Variants in FMN1 observed in about 807,000 individuals in gnomAD.
FMN1 encodes formin-1.
FMN1 carries 110 observed loss-of-function variants against 132.4 expected under a neutral mutation model. That is an observed-to-expected ratio of 0.83 (90% CI 0.71 to 0.97). The LOEUF (loss-of-function observed/expected upper bound fraction) is 0.97. Among genes scored for constraint, FMN1 ranks in the 50% least tolerant of loss-of-function variants. The pLI, the probability that FMN1 is intolerant of heterozygous loss-of-function variation, is 0.00. For missense variants in FMN1, 1,792 were observed against 1,705.3 expected, an observed-to-expected ratio of 1.05 and a Z score of -0.90; for synonymous variants, 722 against 651.7, an observed-to-expected ratio of 1.11 and a Z score of -1.64.
chr15:32,933,142 T>C (rs2061165088), intron 9 of FMN1, among the ~76,000 whole-genome samples: 1 of 152,210 alleles, frequency 6.6e-6, no homozygotes. Flanking sequence ...AGTACTGCTT[T>C]TATTGCATCC....
chr15:32,988,650 G>C (rs941110567), intron 7 of FMN1, among the ~76,000 whole-genome samples: 2 of 152,202 alleles, frequency 1.3e-5, no homozygotes, highest in African/African-American at 4.8e-5. Flanking sequence ...TTTCCTGCCT[G>C]CGTGGTCTTG....
At chr15:32,875,629 C>G (rs1562933) in intron 16 of FMN1, among the ~76,000 whole-genome samples, 83,008 of 151,926 alleles carry the variant, frequency 0.55, 22,966 homozygotes, top group African/African-American at 0.61. Context: ...AAAGAATCTA[C>G]GAGAGATAAG....
At chr15:32,941,290 C>T (rs11072073) in intron 9 of FMN1, among the ~76,000 whole-genome samples, 1 of 152,014 alleles carries the variant, frequency 6.6e-6, no homozygotes, top group African/African-American at 2.4e-5. Context: ...TAAGATTTTG[C>T]TTATCCAATG....
At chr15:33,098,237 C>T (rs1365969330) in intron 4 of FMN1, among the ~76,000 whole-genome samples, 1 of 152,206 alleles carries the variant, frequency 6.6e-6, no homozygotes, top group Non-Finnish European at 1.5e-5. Context: ...GATAGCCTTA[C>T]TTCATGCTGA....
chr15:32,954,743 C>T (rs186655796), intron 9 of FMN1, among the ~76,000 whole-genome samples: 5 of 151,950 alleles, frequency 3.3e-5, no homozygotes, highest in South Asian at 2.1e-4. Flanking sequence ...CGGAGGCTCA[C>T]GCCTGTAATC....
Position 32,768,646 on chromosome 15 carries a change from G to C in FMN1, c.*5664C>G, listed in dbSNP as rs2056126668. On this transcript the variant is annotated 3_prime_UTR_variant, in exon 21 of 21. Coordinates refer to ENST00000616417, the MANE Select transcript of FMN1 (RefSeq NM_001277313.2). ...ATTCTTTGGACGTGATTTTCTGCCT[G>C]AAACTATAGTCTTCTTTGCATTTTG... 1 of 152,168 alleles carries C rather than the reference G, an allele frequency of 6.6e-6. No homozygotes were observed. The highest frequency in any genetic ancestry group is 2.1e-4 in the South Asian group (1 of 4,826). The allele number at this position is 152,168 out of a possible 1,614,324, so 9.4% of individuals were successfully genotyped here.
chr15:32,975,141 T>G (rs1448346346), intron 7 of FMN1, among the ~76,000 whole-genome samples: 3 of 152,266 alleles, frequency 2.0e-5, no homozygotes, highest in Non-Finnish European at 4.4e-5. Context: ...CAAGCTCAAC[T>G]GAATCTTCTG....
chr15:32,818,658 C>T (rs781428257), intron 17 of FMN1, among the ~76,000 whole-genome samples: 10 of 152,094 alleles, frequency 6.6e-5, no homozygotes, highest in Non-Finnish European at 1.2e-4. Context: ...ATATATACTA[C>T]TTATTCTGTA....
At position 33,155,054 on chromosome 15, in the gene FMN1, G is replaced by A; in HGVS notation, c.-131-9C>T. Reference sequence around the variant, plus strand: ...TCCAGCAATGAGACTGCCTGTTAGAGGAACAGGGGAAGAAAGCAGCTTGTC... The same window carrying A: ...TCCAGCAATGAGACTGCCTGTTAGAAGAACAGGGGAAGAAAGCAGCTTGTC... On this transcript the variant is annotated splice_polypyrimidine_tract_variant and intron_variant, in intron 3 of 20. Coordinates refer to ENST00000616417, the MANE Select transcript of FMN1 (RefSeq NM_001277313.2). 1.6e-6 allele frequency: 1 copy of A among 639,500 alleles called. No individual in the cohort carries two copies. Among genetic ancestry groups the A allele is most frequent in the African/African-American group, 1.8e-5 (1 of 54,724 alleles). 39.6% of individuals were successfully genotyped at this position (639,500 alleles called of 1,614,324 possible). A position where few individuals can be genotyped will look rare whatever the true frequency, so the allele number is the denominator to read the frequency against.
chr15:32,928,462 T>C (rs1424273111), intron 9 of FMN1, among the ~76,000 whole-genome samples: 1 of 152,192 alleles, frequency 6.6e-6, no homozygotes, highest in Non-Finnish European at 1.5e-5. Flanking sequence ...AATTTAGCCA[T>C]GCACCCATTC....
intron 7 of FMN1, among the ~76,000 whole-genome samples, chr15:33,007,054 G>A (rs1009690543): frequency 4.0e-5 from 6 of 151,822 alleles, no homozygotes; most frequent in Non-Finnish European, 7.4e-5. Flanking sequence ...CAGAGTTTTC[G>A]TGTTCTCACC....
intron 3 of FMN1, among the ~76,000 whole-genome samples, chr15:33,175,575 T>C (rs958470668): frequency 7.9e-5 from 12 of 152,240 alleles, no homozygotes; most frequent in African/African-American, 2.9e-4. Context: ...TTTCCTTTGC[T>C]TTTAAATAAA....
At chr15:33,077,020 T>C (rs562410644) in intron 5 of FMN1, among the ~76,000 whole-genome samples, 66 of 152,208 alleles carry the variant, frequency 4.3e-4, no homozygotes, top group Non-Finnish European at 7.5e-4. Flanking sequence ...AAGTCAGGCA[T>C]TGCCACAGCT....
intron 5 of FMN1, chr15:33,068,080 TTCCAGGGCAA>T: frequency 1.5e-6 from 2 of 1,375,164 alleles, no homozygotes. Context: ...CGATGATGTG[TTCCAGGGCAA>T]CTGTGAAAAA....
At chr15:32,895,353 G>A (rs1410916433) in intron 15 of FMN1, among the ~76,000 whole-genome samples, 6 of 149,984 alleles carry the variant, frequency 4.0e-5, no homozygotes, top group Non-Finnish European at 3.0e-5. Context: ...GAAACAAAAA[G>A]AGGAAGGAAA....
intron 16 of FMN1, among the ~76,000 whole-genome samples, chr15:32,873,222 T>C (rs1467642393): frequency 2.0e-5 from 3 of 152,232 alleles, no homozygotes; most frequent in Admixed American, 1.3e-4. Flanking sequence ...GTCGGGAGAA[T>C]TGTGGCCTAT....
rs116082975 is a variant in FMN1 at position 33,185,520 on chromosome 15, T to C, written c.-196-5258A>G. On this transcript the variant is annotated intron_variant, in intron 2 of 20. Coordinates refer to ENST00000616417, the MANE Select transcript of FMN1 (RefSeq NM_001277313.2). ...TTGTTTCCTTTACTTTTTAGAGAAG[T>C]CTTATTTCAATGAAAATTTGTAGTA... Among the ~76,000 whole-genome samples, 644 of 151,678 alleles carry C rather than the reference T, an allele frequency of 4.2e-3. 3 individuals carry two copies. The highest frequency in any genetic ancestry group is 0.015 in the African/African-American group (627 of 41,302).
At chr15:32,816,344 C>T (rs2058058753) in intron 17 of FMN1, among the ~76,000 whole-genome samples, 1 of 152,132 alleles carries the variant, frequency 6.6e-6, no homozygotes, top group African/African-American at 2.4e-5. Flanking sequence ...AAAGTTACGT[C>T]AAAAGGTATA....
chr15:32,912,211 GTAAA>G (rs1212376737), intron 10 of FMN1, among the ~76,000 whole-genome samples: 9 of 151,618 alleles, frequency 5.9e-5, no homozygotes, highest in African/African-American at 2.4e-5. Flanking sequence ...TTCCTAGTAA[GTAAA>G]TACTCAGTTT....
Sources: allele counts gnomAD v4.1 joint callset (sites outside exome capture counted in the v4.1 genomes callset), GRCh38; gene constraint gnomAD v4.1.1; transcripts MANE v1.5; gene names NCBI Gene and HGNC (gene_info 2026-07-23, HGNC 2026-07-21).